Variants in PAM16 observed in about 807,000 individuals in gnomAD.
The protein encoded by PAM16 is presequence translocase associated motor 16.
PAM16 carries 11 observed loss-of-function variants against 17.9 expected under a neutral mutation model. That is an observed-to-expected ratio of 0.62 (90% confidence interval 0.39 to 1.02). PAM16 has a LOEUF of 1.02. PAM16 is among the 50% of genes least tolerant of loss of function. The probability of loss-of-function intolerance (pLI) is 0.01; values close to 1 mark genes in which losing one functional copy is unlikely to be tolerated. For synonymous variants in PAM16, 72 were observed against 67.4 expected (o/e 1.07, Z -0.34); for missense variants, 199 against 165.4 (o/e 1.20, Z -1.11).
chr16:4,351,239 G>A lies in PAM16; in HGVS notation c.-5C>T, dbSNP rs375972217. Reference sequence around the variant, plus strand: ...GCCCGACTCGGGGCTCACCATGGCAGCCGCTCTGCCTCCGGGGCTCAAACT... The same window carrying A: ...GCCCGACTCGGGGCTCACCATGGCAACCGCTCTGCCTCCGGGGCTCAAACT... On this transcript the variant is annotated 5_prime_UTR_variant, in exon 1 of 5. Transcript: ENST00000318059. 1.4e-6 allele frequency: 2 copies of A among 1,466,458 alleles called. No individual in the cohort carries two copies. Among genetic ancestry groups the A allele is most frequent in the Admixed American group, 4.2e-5 (2 of 47,808 alleles). The allele number at this position is 1,466,458 out of a possible 1,614,324, so 90.8% of individuals were successfully genotyped here.
chr16:4,341,610 C>A (rs1031102434), intron 2 of PAM16, 106 bp from the exon 3 acceptor site: 2 of 1,472,000 alleles, frequency 1.4e-6, no homozygotes, highest in Non-Finnish European at 1.8e-6. Flanking sequence ...ATGAGAGACA[C>A]AGGGACAGGT....
At chr16:4,343,808 T>A (rs897392863) in intron 1 of PAM16, 1 of 400,276 alleles carries the variant, frequency 2.5e-6, no homozygotes. Context: ...AAAACAAACT[T>A]ACTATGCAAA....
chr16:4,340,938 G>A lies in PAM16; in HGVS notation c.273C>T (p.Ser91=), dbSNP rs777231583. The A allele has an allele frequency of 1.2e-6, 2 of 1,613,650 alleles. No individual in the cohort carries two copies. The highest frequency in any genetic ancestry group is 1.7e-6 in the Non-Finnish European group (2 of 1,179,972). Residue 91 remains serine, a synonymous_variant, in exon 4 of 5, where the codon TCC becomes TCT. Transcript: ENST00000318059. ...FKVNDKSVGG[S]FYLQSKVVRA... The stretch of plus-strand genomic sequence containing the variant: ...CACTCACCTTTGACTGCAGGTAGAA[G>A]GAGCCACCCACGGATTTATCATTCA...
In PAM16 at chr16:4,343,255, G is replaced by A; in HGVS notation, c.40C>T (p.Gln14Ter). Residue 14 changes from glutamine to a stop codon, truncating the protein, a stop_gained, in exon 2 of 5, where the codon CAG becomes TAG. Coordinates refer to ENST00000318059, the MANE Select transcript of PAM16 (RefSeq NM_016069.11). LOFTEE classifies it high-confidence loss of function. ...CGTGCAAAGGCCCTGCCCACCACCTGCACGCCCATCACAATGATCTGGGCC... is the reference window on the plus strand; with the variant it reads ...CGTGCAAAGGCCCTGCCCACCACCTACACGCCCATCACAATGATCTGGGCC... ...YLAQIIVMGV[Q>*]VVGRAFARAL... 1 of 1,612,736 alleles carries A rather than the reference G, an allele frequency of 6.2e-7. No individual in the cohort carries two copies. Among genetic ancestry groups the A allele is most frequent in the Non-Finnish European group, 8.5e-7 (1 of 1,179,944 alleles).
intron 1 of PAM16, 109 bp downstream of exon 1, chr16:4,351,123 C>G (rs2053850849): frequency 7.6e-6 from 4 of 525,694 alleles, no homozygotes; most frequent in South Asian, 8.3e-5. Context: ...CCGCCGGGCA[C>G]GCAGGGGGCG....
At chr16:4,350,953 A>G (rs1034450668) in intron 1 of PAM16, 2 of 296,184 alleles carry the variant, frequency 6.8e-6, no homozygotes, top group Non-Finnish European at 1.2e-5. Context: ...CTCATGCTCC[A>G]CCGCTGCCCA....
chr16:4,341,663 G>A, intron 2 of PAM16, 159 bp from the exon 3 acceptor site: 2 of 1,267,264 alleles, frequency 1.6e-6, no homozygotes, highest in Non-Finnish European at 2.1e-6. Context: ...TCCTTTTTAG[G>A]GGGTAGAGGC....
intron 1 of PAM16, among the ~76,000 whole-genome samples, chr16:4,350,333 G>T (rs934869890): frequency 6.7e-6 from 1 of 148,778 alleles, no homozygotes; most frequent in African/African-American, 2.5e-5. Context: ...TAAAATACAT[G>T]ATATATAAAA....
intron 3 of PAM16, 96 bp from the exon 4 acceptor site, chr16:4,341,081 C>T (rs149313058): frequency 3.4e-6 from 5 of 1,460,790 alleles, no homozygotes; most frequent in Middle Eastern, 2.0e-4. Context: ...CAACAGGACT[C>T]CTCTCCACCC....
chr16:4,348,161 A>G (rs919429466), intron 1 of PAM16: 54 of 152,292 alleles, frequency 3.5e-4, no homozygotes, highest in African/African-American at 1.2e-3. Context: ...CAGGACCACA[A>G]CTGTAGCACG....
rs2053855625 is a variant in PAM16, at chr16:4,351,279, C to T, written c.-45G>A. The T allele has an allele frequency of 1.4e-6, 2 of 1,446,674 alleles. No individual in the cohort carries two copies. Among genetic ancestry groups the T allele is most frequent in the Non-Finnish European group, 1.8e-6 (2 of 1,089,314 alleles). The allele number at this position is 1,446,674 out of a possible 1,614,324, so 89.6% of individuals were successfully genotyped here. On this transcript the variant is annotated 5_prime_UTR_variant, in exon 1 of 5. Transcript: ENST00000318059. The stretch of plus-strand genomic sequence containing the variant: ...GGGCTCAAACTCCGACTTCCTGGCC[C>T]CGCGGCCGGGGATCAAGCGTGGTCG...
chr16:4,350,185 G>C (rs921224123), intron 1 of PAM16, among the ~76,000 whole-genome samples: 3 of 151,246 alleles, frequency 2.0e-5, no homozygotes, highest in Non-Finnish European at 2.9e-5. Context: ...CACAATCTTG[G>C]TTCACTGCAG....
chr16:4,342,784 C>A (rs933996741), intron 2 of PAM16, among the ~76,000 whole-genome samples: 3 of 151,998 alleles, frequency 2.0e-5, no homozygotes, highest in Admixed American at 6.6e-5. Flanking sequence ...CATAGTGAAA[C>A]CCCGTCTCTA....
chr16:4,340,373 T>C lies in PAM16; in HGVS notation c.324A>G (p.Glu108=). ...VVRAKERLDE[E]LKIQAQEDRE... ...TGTCCTCCTGGGCCTGGATTTTGAG[T>C]TCCTCATCCAGGCGCTCCTTTGCGC... is the stretch of plus-strand genomic sequence containing the variant. The change falls in exon 5 of 5, where the codon GAA becomes GAG. Residue 108 remains glutamate, a synonymous_variant. Transcript: ENST00000318059. 6.2e-7 allele frequency: 1 copy of C among 1,612,760 alleles called. No homozygotes were observed. The highest frequency in any genetic ancestry group is 1.1e-5 in the South Asian group (1 of 91,082).
chr16:4,344,849 G>T (rs1169931674), intron 1 of PAM16, among the ~76,000 whole-genome samples: 1 of 147,430 alleles, frequency 6.8e-6, no homozygotes, highest in Non-Finnish European at 1.5e-5. Flanking sequence ...GAGAGGAGGG[G>T]GTTCCGTGAG....
At chr16:4,342,406 G>A (rs1338777203) in intron 2 of PAM16, among the ~76,000 whole-genome samples, 3 of 151,910 alleles carry the variant, frequency 2.0e-5, no homozygotes, top group African/African-American at 7.3e-5. Flanking sequence ...TGTAATCCCA[G>A]TACTTCAGGA....
intron 2 of PAM16, 52 bp from the exon 3 acceptor site, chr16:4,341,556 C>G: frequency 6.5e-7 from 1 of 1,542,160 alleles, no homozygotes; most frequent in Non-Finnish European, 8.7e-7. Flanking sequence ...ACACTTCACC[C>G]TGGGCCTTCC....
At chr16:4,346,803 T>C (rs982955297) in intron 1 of PAM16, 3 of 152,062 alleles carry the variant, frequency 2.0e-5, no homozygotes, top group Admixed American at 6.6e-5. Flanking sequence ...CATTGCAACC[T>C]CCACCTCACC....
intron 1 of PAM16, among the ~76,000 whole-genome samples, chr16:4,346,527 T>C (rs2053762088): frequency 6.6e-6 from 1 of 152,212 alleles, no homozygotes; most frequent in South Asian, 2.1e-4. Flanking sequence ...ACAGGCCCTT[T>C]GCTTCCTCAG....
Sources: gnomAD v4.1 joint callset for allele counts (sites outside exome capture counted in the v4.1 genomes callset) on GRCh38, gnomAD v4.1.1 for gene constraint, MANE v1.5 for transcripts, NCBI Gene and HGNC (gene_info 2026-07-23, HGNC 2026-07-21) for gene names.